The following KCNQ3 variants were observed in gnomAD, a reference collection of about 807,000 sequenced individuals.
KCNQ3 encodes potassium voltage-gated channel subfamily Q member 3, also known as potassium voltage-gated channel subfamily KQT member 3.
In KCNQ3, 30 loss-of-function variants were observed where a neutral mutation model predicts 92.5. That is an observed-to-expected ratio of 0.32 (90% confidence interval 0.24 to 0.44). The LOEUF (loss-of-function observed/expected upper bound fraction) is 0.44. KCNQ3 is among the 20% of genes least tolerant of loss of function. KCNQ3 has a pLI of 1.00. For synonymous variants in KCNQ3, 450 were observed against 468.8 expected, an observed-to-expected ratio of 0.96 and a Z score of 0.52; for missense variants, 913 against 1,140.3, an observed-to-expected ratio of 0.80 and a Z score of 2.87.
intron 1 of KCNQ3, among the ~76,000 whole-genome samples, chr8:132,336,669 C>A (rs1302045975): frequency 6.6e-6 from 1 of 152,210 alleles, no homozygotes; most frequent in Non-Finnish European, 1.5e-5. Flanking sequence ...TCATATAGTT[C>A]TTCCCAGTAG....
At chr8:132,212,211 C>T (rs147816886) in intron 1 of KCNQ3, among the ~76,000 whole-genome samples, 3 of 152,228 alleles carry the variant, frequency 2.0e-5, no homozygotes, top group Admixed American at 6.5e-5. Flanking sequence ...CTCACACACT[C>T]ACTTTTCCAA....
At chr8:132,381,214 G>A (rs1288631142) in intron 1 of KCNQ3, among the ~76,000 whole-genome samples, 1 of 152,212 alleles carries the variant, frequency 6.6e-6, no homozygotes, top group Non-Finnish European at 1.5e-5. Flanking sequence ...CTGCACAGCT[G>A]AATAGCGGCA....
At position 132,141,354 on chromosome 8, in the gene KCNQ3, C is replaced by A. The variant is rs767867974; in HGVS notation, c.1263-23G>T. On this transcript the variant is annotated intron_variant, in intron 9 of 14. Transcript: ENST00000388996. ...TGGCTACAAAATAAGCAAAAGTGAA[C>A]AATTTTCCTCCTTCAGTGCAGGCTC... 3.2e-5 allele frequency: 52 copies of A among 1,608,378 alleles called. 1 individual carries two copies. The South Asian group carries it at 3.8e-4, about 12-fold the overall frequency.
At chr8:132,250,885 G>C (rs1815385919) in intron 1 of KCNQ3, among the ~76,000 whole-genome samples, 1 of 152,192 alleles carries the variant, frequency 6.6e-6, no homozygotes, top group South Asian at 2.1e-4. Flanking sequence ...TATTGAGGAA[G>C]GATTTTGTGA....
intron 4 of KCNQ3, among the ~76,000 whole-genome samples, chr8:132,179,949 C>G (rs545316182): frequency 6.6e-6 from 1 of 152,318 alleles, no homozygotes; most frequent in South Asian, 2.1e-4. Flanking sequence ...TCAGTTTCAC[C>G]TGTTCCTGCT....
chr8:132,287,417 G>C (rs58807338), intron 1 of KCNQ3, among the ~76,000 whole-genome samples: 3,930 of 152,264 alleles, frequency 0.026, 188 homozygotes, highest in African/African-American at 0.089. Context: ...TTTACTCATA[G>C]ATATGTACTC....
chr8:132,387,875 G>GCTACA (rs1819929034), intron 1 of KCNQ3, among the ~76,000 whole-genome samples: 2 of 151,922 alleles, frequency 1.3e-5, no homozygotes, highest in Admixed American at 6.6e-5. Context: ...GAACCTGGGA[G>GCTACA]GTTGACTCTA....
At position 132,283,092 on chromosome 8, in the gene KCNQ3, C is replaced by CGT. The variant is rs1195934839; in HGVS notation, c.387-96913_387-96912dup. On this transcript the variant is annotated intron_variant, in intron 1 of 14. Coordinates refer to ENST00000388996, the MANE Select transcript of KCNQ3 (RefSeq NM_004519.4). ...GATGAGGATCTCTCTCTCTCTCTCT[C>CGT]GTGTGTGTGTGTGTGTGTGTGTGTG... is the stretch of plus-strand genomic sequence containing the variant. 2.3e-3 allele frequency among the ~76,000 whole-genome samples: 306 copies of CGT among 130,688 alleles called. 1 individual carries two copies. Among genetic ancestry groups the CGT allele is most frequent in the East Asian group, 4.9e-3 (22 of 4,468 alleles). The allele number at this position is 130,688 out of a possible 152,430, so 85.7% of individuals were successfully genotyped here.
chr8:132,477,766 T>C (rs745761878), intron 1 of KCNQ3, among the ~76,000 whole-genome samples: 2 of 152,128 alleles, frequency 1.3e-5, no homozygotes, highest in Non-Finnish European at 2.9e-5. Context: ...ATCTGAGAGC[T>C]AGCAAGGGGA....
At chr8:132,163,809 T>C (rs1231161215) in intron 8 of KCNQ3, among the ~76,000 whole-genome samples, 1 of 152,244 alleles carries the variant, frequency 6.6e-6, no homozygotes, top group African/African-American at 2.4e-5. Context: ...GAAATTTATT[T>C]GGTGGTGGAG....
chr8:132,406,904 G>A (rs1563898990), intron 1 of KCNQ3, among the ~76,000 whole-genome samples: 3 of 152,316 alleles, frequency 2.0e-5, no homozygotes, highest in South Asian at 4.1e-4. Flanking sequence ...TTCATGTGGT[G>A]GAAAGATCAC....
chr8:132,345,030 C>A (rs973252788), intron 1 of KCNQ3, among the ~76,000 whole-genome samples: 4 of 152,152 alleles, frequency 2.6e-5, no homozygotes, highest in Non-Finnish European at 5.9e-5. Context: ...CTAGAGCATG[C>A]CCCCCTGTAA....
chr8:132,298,502 A>T (rs1489309661), intron 1 of KCNQ3, among the ~76,000 whole-genome samples: 3 of 152,180 alleles, frequency 2.0e-5, no homozygotes, highest in African/African-American at 7.2e-5. Flanking sequence ...TGCCTCATTC[A>T]GAGAACTGTG....
intron 1 of KCNQ3, among the ~76,000 whole-genome samples, chr8:132,191,601 A>G (rs113455748): frequency 1.4e-4 from 20 of 146,818 alleles, no homozygotes; most frequent in Non-Finnish European, 2.2e-4. Context: ...ATGTGTGTGT[A>G]TGTGTGTGTA....
chr8:132,369,561 G>T (rs1819414293), intron 1 of KCNQ3, among the ~76,000 whole-genome samples: 1 of 142,258 alleles, frequency 7.0e-6, no homozygotes, highest in South Asian at 2.2e-4. Flanking sequence ...AAAGTAAGGA[G>T]GTGCTCAAAC....
chr8:132,367,070 T>C (rs1819342867), intron 1 of KCNQ3, among the ~76,000 whole-genome samples: 1 of 152,158 alleles, frequency 6.6e-6, no homozygotes, highest in African/African-American at 2.4e-5. Context: ...GAAGGAGACA[T>C]TACATTAAAG....
chr8:132,288,647 A>G (rs1481202030), intron 1 of KCNQ3, among the ~76,000 whole-genome samples: 1 of 151,680 alleles, frequency 6.6e-6, no homozygotes, highest in East Asian at 1.9e-4. Context: ...TCCCAAAGCC[A>G]TTTGTCCCTA....
intron 1 of KCNQ3, among the ~76,000 whole-genome samples, chr8:132,224,111 C>CTTTTTTTTTTTTTTTTTTT (rs1178797269): frequency 1.6e-4 from 10 of 63,760 alleles, no homozygotes; most frequent in African/African-American, 3.2e-4. Flanking sequence ...TTTTTTTTTG[C>CTTTTTTTTTTTTTTTTTTT]TTTTGGAGAG....
Position 132,249,727 on chromosome 8 carries a change from G to T in KCNQ3, c.387-63546C>A, listed in dbSNP as rs539269408. On this transcript the variant is annotated intron_variant, in intron 1 of 14. Coordinates refer to ENST00000388996, the MANE Select transcript of KCNQ3 (RefSeq NM_004519.4). ...GCAGGGGGCGGTGCTCGTTGGGGAG[G>T]CTTGGGCTGTGCAGGAGCCCACGGC... Among the ~76,000 whole-genome samples the T allele has an allele frequency of 6.6e-5, 10 of 152,272 alleles. 1 individual carries two copies. In the South Asian group the frequency reaches 2.1e-3, roughly 32 times the overall value.
Sources: gnomAD v4.1 joint callset for allele counts (sites outside exome capture counted in the v4.1 genomes callset) on GRCh38, gnomAD v4.1.1 for gene constraint, MANE v1.5 for transcripts, NCBI Gene and HGNC (gene_info 2026-07-23, HGNC 2026-07-21) for gene names.